Variants in PYM1 observed in about 807,000 individuals in gnomAD.
The protein encoded by PYM1 is partner of Y14 and mago.
A neutral mutation model predicts 20.7 loss-of-function variants in PYM1; 7 were observed. The ratio of observed to expected loss-of-function variants is 0.34; its 90% CI spans 0.19 to 0.64. The LOEUF is 0.64. Among genes scored for constraint, PYM1 ranks in the 30% least tolerant of loss-of-function variants. The pLI is 0.74. For synonymous variants in PYM1, 100 were observed against 99.2 expected (o/e 1.01, Z -0.05); for missense variants, 194 against 250.0 (o/e 0.78, Z 1.51).
chr12:55,903,261 T>C (rs1179400197), intron 2 of PYM1, 126 bp downstream of exon 2: 7 of 744,452 alleles, frequency 9.4e-6, no homozygotes, highest in Non-Finnish European at 1.6e-5. Flanking sequence ...CTTTCTCAGA[T>C]AGTTGCCCCT....
chr12:55,903,652 C>T (rs751038155), intron 1 of PYM1, among the ~76,000 whole-genome samples, 172 bp from the exon 2 acceptor site: 19 of 151,984 alleles, frequency 1.3e-4, no homozygotes, highest in Non-Finnish European at 2.8e-4. Flanking sequence ...ATTTATTTAC[C>T]GAGTGCCAAT....
intron 2 of PYM1, among the ~76,000 whole-genome samples, chr12:55,902,748 G>A (rs1257277979): frequency 6.8e-6 from 1 of 146,866 alleles, no homozygotes; most frequent in African/African-American, 2.5e-5. Context: ...AAGTGCTTGG[G>A]ATTACAGAGA....
At chr12:55,927,399 G>T in intron 1 of PYM1, 1 of 714,018 alleles carries the variant, frequency 1.4e-6, no homozygotes, top group South Asian at 1.5e-5. Context: ...TCATCCCCAG[G>T]AACTCCTCGT....
At chr12:55,904,928 T>G (rs1253913223) in intron 1 of PYM1, among the ~76,000 whole-genome samples, 1 of 152,008 alleles carries the variant, frequency 6.6e-6, no homozygotes, top group Non-Finnish European at 1.5e-5. Flanking sequence ...GTCCTCTAAC[T>G]TTTTTTATTT....
intron 1 of PYM1, among the ~76,000 whole-genome samples, chr12:55,912,445 G>A (rs1882940050): frequency 6.6e-6 from 1 of 152,114 alleles, no homozygotes; most frequent in South Asian, 2.1e-4. Context: ...TAGGCCAGGC[G>A]TGGTGGCTCA....
rs1032556058 is a variant in PYM1, at chr12:55,927,841, G to A, written c.-80C>T. The A allele has an allele frequency of 2.0e-6, 3 of 1,503,664 alleles. No individual in the cohort carries two copies. The highest frequency in any genetic ancestry group is 1.4e-5 in the African/African-American group (1 of 71,768). The allele number at this position is 1,503,664 out of a possible 1,614,324, so 93.1% of individuals were successfully genotyped here. A position where few individuals can be genotyped will look rare whatever the true frequency, so the allele number is the denominator to read the frequency against. Reference sequence around the variant, plus strand: ...CGCTGGGCGGCGCCGGGGATTCGGCGGCGAAGTGATGAGGGCCCTAGTTGC... The same window carrying A: ...CGCTGGGCGGCGCCGGGGATTCGGCAGCGAAGTGATGAGGGCCCTAGTTGC... On this transcript the variant is annotated 5_prime_UTR_variant, in exon 1 of 3. Transcript: ENST00000408946.
At chr12:55,927,611 C>T in intron 1 of PYM1, 114 bp downstream of exon 1, 2 of 1,377,966 alleles carry the variant, frequency 1.5e-6, no homozygotes, top group Non-Finnish European at 2.0e-6. Flanking sequence ...CCTATCTAAC[C>T]CTAAGAAGGT....
chr12:55,916,565 A>G (rs1279852757), intron 1 of PYM1, among the ~76,000 whole-genome samples: 1 of 152,110 alleles, frequency 6.6e-6, no homozygotes, highest in East Asian at 1.9e-4. Flanking sequence ...TGGGAGGCAG[A>G]GGCGGGCGGA....
At chr12:55,908,676 A>G (rs1882868793) in intron 1 of PYM1, among the ~76,000 whole-genome samples, 1 of 151,820 alleles carries the variant, frequency 6.6e-6, no homozygotes, top group South Asian at 2.1e-4. Flanking sequence ...AAATTGTGAA[A>G]CCCCATCTCT....
At chr12:55,905,918 T>TTATTATATATATCTATTAGATATATA (rs1882801108) in intron 1 of PYM1, among the ~76,000 whole-genome samples, 1 of 110,538 alleles carries the variant, frequency 9.0e-6, no homozygotes, top group African/African-American at 4.0e-5. Flanking sequence ...GATATATATA[T>TTATTATATATATCTATTAGATATATA]TATTATATAT....
rs1250827595 is a variant in PYM1, at chr12:55,901,979, G to A, written c.508C>T (p.Arg170Trp). The A allele has an allele frequency of 6.2e-6, 10 of 1,613,930 alleles. No homozygotes were observed. The highest frequency in any genetic ancestry group is 3.3e-4 in the Middle Eastern group (2 of 6,082). Residue 170 changes from arginine to tryptophan, a missense_variant, in exon 3 of 3, where the codon CGG becomes TGG. Around this residue, in one of 3 missense-constraint regions of PYM1, gnomAD observed 158 missense variants for 179.0 expected, o/e 0.88. Transcript: ENST00000408946. Reference protein sequence around the residue: ...KLRQVEELQQRIQAGEVSQPS... With the variant: ...KLRQVEELQQWIQAGEVSQPS... ...TGGCTGACTTCCCCAGCCTGGATCC[G>A]CTGCTGCAGCTCTTCCACCTGCCGG...
chr12:55,927,587 G>GT lies in PYM1; in HGVS notation c.37+137_37+138insA. 4.4e-6 allele frequency: 5 copies of GT among 1,128,876 alleles called. No individual in the cohort carries two copies. The South Asian group carries it at 7.4e-5, about 17-fold the overall frequency. 69.9% of individuals were successfully genotyped at this position (1,128,876 alleles called of 1,614,324 possible). A position where few individuals can be genotyped will look rare whatever the true frequency, so the allele number is the denominator to read the frequency against. ...CACTGGGGCGCACAAGTGTTTCTAG[G>GT]GACGGTTGGAGACCCTATCTAACCC... On this transcript the variant is annotated intron_variant, in intron 1 of 2. Coordinates refer to ENST00000408946, the MANE Select transcript of PYM1 (RefSeq NM_032345.3).
chr12:55,903,845 T>G (rs1029538099), intron 1 of PYM1, among the ~76,000 whole-genome samples: 4 of 152,162 alleles, frequency 2.6e-5, no homozygotes, highest in Admixed American at 6.6e-5. Flanking sequence ...CAATAGCGGA[T>G]GTTGTAAAGG....
chr12:55,922,358 C>T lies in PYM1; in HGVS notation c.37+5367G>A, dbSNP rs1883111782. 3.4e-5 allele frequency among the ~76,000 whole-genome samples: 5 copies of T among 147,546 alleles called. No homozygotes were observed. The South Asian group carries it at 1.1e-3, about 31-fold the overall frequency. ...GCATAGTGACTCATGCCTAGTAATC[C>T]CAGAATTTTGGTAGGCCAAAGGGGA... On this transcript the variant is annotated intron_variant, in intron 1 of 2. Transcript: ENST00000408946.
intron 1 of PYM1, among the ~76,000 whole-genome samples, chr12:55,907,463 C>CAAAAAA (rs770960966): frequency 2.4e-3 from 124 of 51,974 alleles, no homozygotes; most frequent in African/African-American, 7.1e-3. Context: ...TACATAAATA[C>CAAAAAA]AAAAAAAAAA....
intron 1 of PYM1, among the ~76,000 whole-genome samples, chr12:55,909,931 G>A (rs981822291): frequency 1.3e-5 from 2 of 152,124 alleles, no homozygotes; most frequent in Admixed American, 6.6e-5. Context: ...CAGGCACAGT[G>A]GCTCATGGCT....
At chr12:55,904,378 G>A (rs909138044) in intron 1 of PYM1, among the ~76,000 whole-genome samples, 7 of 151,236 alleles carry the variant, frequency 4.6e-5, no homozygotes, top group Non-Finnish European at 1.0e-4. Flanking sequence ...TGAATCACGA[G>A]GTCAGGAGTT....
chr12:55,914,734 T>C (rs1278438374), intron 1 of PYM1, among the ~76,000 whole-genome samples: 1 of 152,160 alleles, frequency 6.6e-6, no homozygotes, highest in Non-Finnish European at 1.5e-5. Flanking sequence ...AAATAAGACC[T>C]GGATGTGGTT....
chr12:55,916,532 T>A (rs1488636363), intron 1 of PYM1, among the ~76,000 whole-genome samples: 1 of 151,902 alleles, frequency 6.6e-6, no homozygotes, highest in African/African-American at 2.4e-5. Flanking sequence ...GCACGGTGAC[T>A]CACGCCTGTA....
Sources: allele counts gnomAD v4.1 joint callset (sites outside exome capture counted in the v4.1 genomes callset), GRCh38; gene constraint gnomAD v4.1.1; regional missense constraint gnomAD v4.1.1; transcripts MANE v1.5; gene names NCBI Gene and HGNC (gene_info 2026-07-23, HGNC 2026-07-21).